Variants in RLF observed in about 807,000 individuals in gnomAD.
RLF encodes the protein RLF zinc finger, also known as zinc finger protein Rlf.
Under a neutral mutation model 162.9 loss-of-function variants are expected in RLF, and 7 were observed. The ratio of observed to expected loss-of-function variants is 0.04; its 90% CI spans 0.02 to 0.08. RLF has a LOEUF of 0.08. RLF is among the 10% of genes least tolerant of loss of function. RLF has a pLI of 1.00. For missense variants in RLF, 1,664 were observed against 2,244.7 expected, an observed-to-expected ratio of 0.74 and a Z score of 5.23; for synonymous variants, 782 against 791.5, an observed-to-expected ratio of 0.99 and a Z score of 0.20.
intron 1 of RLF, among the ~76,000 whole-genome samples, chr1:40,170,614 G>T (rs1285852048): frequency 6.6e-6 from 1 of 152,154 alleles, no homozygotes; most frequent in African/African-American, 2.4e-5. Context: ...GCTATTTGCA[G>T]ATACTGTATT....
chr1:40,172,126 A>G (rs1026650648), intron 1 of RLF, among the ~76,000 whole-genome samples: 12 of 152,306 alleles, frequency 7.9e-5, no homozygotes, highest in African/African-American at 2.9e-4. Flanking sequence ...AGGTAGCAAC[A>G]CCTTCAACAC....
intron 1 of RLF, among the ~76,000 whole-genome samples, chr1:40,182,757 A>AGG (rs1557741324): frequency 1.9e-3 from 54 of 28,908 alleles, no homozygotes; most frequent in African/African-American, 3.1e-3. Context: ...AGATAGGTAG[A>AGG]TAGATAGATA....
intron 1 of RLF, among the ~76,000 whole-genome samples, chr1:40,173,158 T>C (rs1642271043): frequency 6.8e-6 from 1 of 147,396 alleles, no homozygotes; most frequent in Non-Finnish European, 1.5e-5. Flanking sequence ...CTCCCCGCAA[T>C]ATCTGCCTCC....
chr1:40,220,211 G>C lies in RLF; in HGVS notation c.811-2363G>C, dbSNP rs887519592. ...CCACTGCAGTCCAGCCTGGGCAACA[G>C]AGCGAGACTCTGTCTCAAAAAAGAA... On this transcript the variant is annotated intron_variant, in intron 5 of 7. Coordinates refer to ENST00000372771, the MANE Select transcript of RLF (RefSeq NM_012421.4). Among the ~76,000 whole-genome samples, 5 of 152,170 alleles carry C rather than the reference G, an allele frequency of 3.3e-5. No individual in the cohort carries two copies. In the East Asian group the frequency reaches 5.8e-4, roughly 18 times the overall value.
At chr1:40,229,270 C>T (rs1241911642) in intron 6 of RLF, among the ~76,000 whole-genome samples, 1 of 152,014 alleles carries the variant, frequency 6.6e-6, no homozygotes, top group Non-Finnish European at 1.5e-5. Context: ...TAAAAATGAA[C>T]AGTTATCCCA....
chr1:40,161,662 G>A lies in RLF; in HGVS notation c.237+26G>A, dbSNP rs745615905. ...GTGAGGGGCTGACTGGCTGGCTGAG[G>A]GCGGCGGGGCGGGGAAGTCAGGGAA... On this transcript the variant is annotated intron_variant, in intron 1 of 7. Transcript: ENST00000372771. This position sits in a 1 kb window ranked among gnomAD's most constrained non-coding sequence, Gnocchi z 4.4. The A allele has an allele frequency of 1.9e-6, 3 of 1,604,766 alleles. No individual in the cohort carries two copies. Among genetic ancestry groups the A allele is most frequent in the Non-Finnish European group, 2.5e-6 (3 of 1,177,156 alleles).
intron 3 of RLF, among the ~76,000 whole-genome samples, chr1:40,193,953 C>T (rs997058659): frequency 6.6e-6 from 1 of 152,082 alleles, no homozygotes; most frequent in Non-Finnish European, 1.5e-5. Flanking sequence ...TAGAGAATTT[C>T]AGGAGTTTAA....
At chr1:40,223,835 C>T (rs1450107674) in intron 6 of RLF, among the ~76,000 whole-genome samples, 1 of 152,162 alleles carries the variant, frequency 6.6e-6, no homozygotes, top group East Asian at 1.9e-4. Context: ...GAGATTCAAG[C>T]CCAGGTTTTA....
chr1:40,237,439 A>T lies in RLF; in HGVS notation c.2737A>T (p.Ile913Phe). ...SSSASMNEEL[I>F]DTLDHSETMQ... is the part of the protein sequence containing the mutation. ...TTCAGCTTCAATGAATGAAGAGCTA[A>T]TTGACACACTAGATCACTCTGAAAC... The change falls in exon 8 of 8, where the codon ATT becomes TTT. Residue 913 changes from isoleucine (I) to phenylalanine (F), a missense_variant. Physicochemically the swap from Ile to Phe is conservative, Grantham distance 21. Coordinates refer to ENST00000372771, the MANE Select transcript of RLF (RefSeq NM_012421.4). This position sits in a 1 kb window ranked among gnomAD's most constrained non-coding sequence, Gnocchi z 4.4. 2 of 1,614,100 alleles carry T rather than the reference A, an allele frequency of 1.2e-6. No individual in the cohort carries two copies. The highest frequency in any genetic ancestry group is 3.3e-5 in the Admixed American group (2 of 60,016).
chr1:40,180,140 A>G (rs1322429955), intron 1 of RLF, among the ~76,000 whole-genome samples: 2 of 152,110 alleles, frequency 1.3e-5, no homozygotes, highest in African/African-American at 4.8e-5. Flanking sequence ...TTTCTGTTTA[A>G]TTTTTGGAGG....
At position 40,161,736 on chromosome 1, in the gene RLF, C is replaced by A; in HGVS notation, c.237+100C>A. 6.8e-7 allele frequency: 1 copy of A among 1,473,106 alleles called. No homozygotes were observed. Among genetic ancestry groups the A allele is most frequent in the Non-Finnish European group, 9.0e-7 (1 of 1,114,452 alleles). 91.3% of individuals were successfully genotyped at this position (1,473,106 alleles called of 1,614,324 possible). On this transcript the variant is annotated intron_variant, in intron 1 of 7. Coordinates refer to ENST00000372771, the MANE Select transcript of RLF (RefSeq NM_012421.4). This position sits in a 1 kb window ranked among gnomAD's most constrained non-coding sequence, Gnocchi z 4.4. The stretch of plus-strand genomic sequence containing the variant: ...CAGCCGGGTCCAAACTGAAAGGCGC[C>A]ACCTCCGTGACTCGCCGCGCCCCCG...
chr1:40,173,720 G>A (rs1642278090), intron 1 of RLF, among the ~76,000 whole-genome samples: 1 of 151,946 alleles, frequency 6.6e-6, no homozygotes, highest in Non-Finnish European at 1.5e-5. Flanking sequence ...TTGCCATGTT[G>A]GCCAGGCTGG....
intron 1 of RLF, among the ~76,000 whole-genome samples, chr1:40,174,231 C>G (rs374831858): frequency 3.9e-5 from 6 of 152,132 alleles, no homozygotes; most frequent in Admixed American, 6.6e-5. Flanking sequence ...ATCAGCTAGG[C>G]GCAGTGGCAG....
At chr1:40,187,307 G>A (rs529094210) in intron 1 of RLF, among the ~76,000 whole-genome samples, 2 of 152,306 alleles carry the variant, frequency 1.3e-5, no homozygotes, top group South Asian at 4.1e-4. Flanking sequence ...TGGGATTACA[G>A]GCGTGAGCCA....
At chr1:40,195,338 A>G (rs1642619236) in intron 3 of RLF, among the ~76,000 whole-genome samples, 1 of 151,604 alleles carries the variant, frequency 6.6e-6, no homozygotes, top group African/African-American at 2.4e-5. Context: ...AATTCCAGCT[A>G]CTCAGGAGGC....
At chr1:40,224,326 T>TTTTTG (rs1643034941) in intron 6 of RLF, among the ~76,000 whole-genome samples, 1 of 145,706 alleles carries the variant, frequency 6.9e-6, no homozygotes, top group African/African-American at 2.7e-5. Flanking sequence ...TTTTTTTTTT[T>TTTTTG]GAGACGAAGT....
chr1:40,228,688 C>T (rs989340465), intron 6 of RLF, among the ~76,000 whole-genome samples: 5 of 151,826 alleles, frequency 3.3e-5, no homozygotes, highest in African/African-American at 1.2e-4. Flanking sequence ...GTGGCAAAAT[C>T]GAAGCTCGCT....
intron 1 of RLF, among the ~76,000 whole-genome samples, chr1:40,167,228 C>T (rs1431229479): frequency 1.3e-5 from 2 of 152,200 alleles, no homozygotes; most frequent in African/African-American, 2.4e-5. Flanking sequence ...TGGGTATAAT[C>T]AGTCCCCTTA....
chr1:40,182,753 G>GTAGGTAGGTAGACAGATAGATAGA (rs144667492), intron 1 of RLF, among the ~76,000 whole-genome samples: 72 of 148,874 alleles, frequency 4.8e-4, no homozygotes, highest in East Asian at 4.4e-3. Flanking sequence ...AGATAGATAG[G>GTAGGTAGGTAGACAGATAGATAGA]TAGATAGATA....
Sources: gnomAD v4.1 joint callset for allele counts (sites outside exome capture counted in the v4.1 genomes callset) on GRCh38, gnomAD v4.1.1 for gene constraint, Gnocchi (gnomAD v3.1) non-coding constraint, MANE v1.5 for transcripts, NCBI Gene and HGNC (gene_info 2026-07-23, HGNC 2026-07-21) for gene names.